The following LNX1 variants were observed in gnomAD, a reference collection of about 807,000 sequenced individuals.
LNX1 encodes the protein ligand of numb-protein X 1.
LNX1 carries 54 observed loss-of-function variants against 68.4 expected under a neutral mutation model. That is an observed-to-expected ratio of 0.79 (90% confidence interval 0.63 to 0.99). LNX1 has a LOEUF of 0.99. Among genes scored for constraint, LNX1 ranks in the 50% least tolerant of loss-of-function variants. The probability of loss-of-function intolerance (pLI) is 0.00; values close to 1 mark genes in which losing one functional copy is unlikely to be tolerated. For synonymous variants in LNX1, 336 were observed against 350.0 expected, an observed-to-expected ratio of 0.96 and a Z score of 0.45; for missense variants, 906 against 926.4, an observed-to-expected ratio of 0.98 and a Z score of 0.29.
At chr4:53,644,125 G>A (rs1402566729) in intron 1 of LNX1, among the ~76,000 whole-genome samples, 5 of 152,162 alleles carry the variant, frequency 3.3e-5, no homozygotes, top group Non-Finnish European at 5.9e-5. Context: ...GGTCAGGAAC[G>A]GTGGCTCATG....
intron 1 of LNX1, 67 bp from the exon 2 acceptor site, chr4:53,574,155 A>G (rs1731343938): frequency 8.5e-7 from 1 of 1,179,152 alleles, no homozygotes; most frequent in African/African-American, 1.6e-5. Context: ...TATGGTAGAC[A>G]TGAGACAGGG....
chr4:53,512,036 T>A (rs1726382264), intron 2 of LNX1, among the ~76,000 whole-genome samples: 1 of 152,160 alleles, frequency 6.6e-6, no homozygotes, highest in South Asian at 2.1e-4. Context: ...AACTCTCACT[T>A]TGGGTTCATT....
intron 2 of LNX1, among the ~76,000 whole-genome samples, chr4:53,536,975 A>T (rs963734397): frequency 1.3e-5 from 2 of 152,240 alleles, no homozygotes; most frequent in Admixed American, 6.5e-5. Context: ...GTTAACAGTG[A>T]TGATTTCTAA....
chr4:53,622,404 A>C (rs1455071518), upstream of LNX1, among the ~76,000 whole-genome samples: 1 of 152,106 alleles, frequency 6.6e-6, no homozygotes, highest in African/African-American at 2.4e-5. Context: ...GTGAACAGTA[A>C]ACCTCTGTTG....
At chr4:53,609,590 A>T (rs1329615878) in intron 2 of LNX1, among the ~76,000 whole-genome samples, 1 of 146,332 alleles carries the variant, frequency 6.8e-6, no homozygotes, top group East Asian at 2.0e-4. Context: ...AGTATATATA[A>T]TTATATATTA....
rs576488317 is a variant in LNX1, at chr4:53,538,777, T to C, written c.381-30550A>G. On this transcript the variant is annotated intron_variant, in intron 2 of 10. Coordinates refer to ENST00000263925, the MANE Select transcript of LNX1 (RefSeq NM_001126328.3). ...AAATGCAGCAGCCATTAGTGTCCAG[T>C]CTCATTATTTTCAAGCCAGGAAAGG... 2.0e-5 allele frequency among the ~76,000 whole-genome samples: 3 copies of C among 152,234 alleles called. No homozygotes were observed. In the East Asian group the frequency reaches 5.8e-4, roughly 29 times the overall value.
intron 1 of LNX1, among the ~76,000 whole-genome samples, chr4:53,648,589 C>T (rs1734977066): frequency 6.6e-6 from 1 of 152,028 alleles, no homozygotes; most frequent in African/African-American, 2.4e-5. Context: ...TCCTTTGGTG[C>T]CCAGACATTT....
intron 2 of LNX1, among the ~76,000 whole-genome samples, chr4:53,606,467 CAAACAAACAAA>C (rs1409678956): frequency 1.8e-5 from 2 of 108,754 alleles, no homozygotes; most frequent in Non-Finnish European, 3.8e-5. Flanking sequence ...AAAAAACAAA[CAAACAAACAAA>C]AAACAAACAA....
chr4:53,496,267 G>T lies in LNX1; in HGVS notation c.1106C>A (p.Ala369Asp), dbSNP rs140440998. 6.5e-4 allele frequency: 1,052 copies of T among 1,613,924 alleles called. 1 individual carries two copies. Among genetic ancestry groups the T allele is most frequent in the Non-Finnish European group, 8.5e-4 (1,002 of 1,180,022 alleles). ...QKFRSRNNGQ[A>D]PDAYRPRDDS... ...ATCTCGGGGTCTGTAGGCATCCGGG[G>T]CCTGTCCATTGTTCCTGCTGCGGAA... The change falls in exon 6 of 11, where the codon GCC becomes GAC. Residue 369 changes from alanine (A) to aspartate (D), a missense_variant. Coordinates refer to ENST00000263925, the MANE Select transcript of LNX1 (RefSeq NM_001126328.3).
chr4:53,534,074 C>A (rs1442497516), intron 2 of LNX1, among the ~76,000 whole-genome samples: 2 of 152,282 alleles, frequency 1.3e-5, no homozygotes, highest in African/African-American at 4.8e-5. Context: ...CCAAGTAAGA[C>A]TTGTGGAAGA....
intron 1 of LNX1, among the ~76,000 whole-genome samples, chr4:53,641,816 A>G (rs1734691086): frequency 6.6e-6 from 1 of 152,214 alleles, no homozygotes; most frequent in Non-Finnish European, 1.5e-5. Context: ...TTCACTTGGT[A>G]TGATAATTTC....
At chr4:53,583,831 G>C (rs1441648548) in intron 1 of LNX1, among the ~76,000 whole-genome samples, 1 of 152,088 alleles carries the variant, frequency 6.6e-6, no homozygotes, top group Admixed American at 6.6e-5. Flanking sequence ...CCTTTCCCCT[G>C]GGGTGCCATA....
At chr4:53,598,235 A>AT (rs34653341) in intron 2 of LNX1, among the ~76,000 whole-genome samples, 18,908 of 144,804 alleles carry the variant, frequency 0.13, 1,233 homozygotes, top group Non-Finnish European at 0.16. Flanking sequence ...ACTGACTGTG[A>AT]TTTTTTTTTT....
At chr4:53,621,597 CAT>C (rs1221408187), upstream of LNX1, among the ~76,000 whole-genome samples, 1 of 152,156 alleles carries the variant, frequency 6.6e-6, no homozygotes, top group Non-Finnish European at 1.5e-5. Context: ...CTGTCGCACT[CAT>C]ATAACTCCAG....
chr4:53,574,731 AC>A (rs1297281447), intron 1 of LNX1, among the ~76,000 whole-genome samples: 1 of 152,220 alleles, frequency 6.6e-6, no homozygotes, highest in African/African-American at 2.4e-5. Flanking sequence ...CTCTGTTTTC[AC>A]ATCTGTAAAA....
intron 2 of LNX1, among the ~76,000 whole-genome samples, chr4:53,601,251 T>C (rs974374346): frequency 2.6e-5 from 4 of 152,140 alleles, no homozygotes; most frequent in Non-Finnish European, 4.4e-5. Context: ...GTTTGTGATG[T>C]CTTAATTTGA....
intron 2 of LNX1, among the ~76,000 whole-genome samples, chr4:53,603,144 C>T (rs1733087591): frequency 6.6e-6 from 1 of 152,198 alleles, no homozygotes; most frequent in South Asian, 2.1e-4. Context: ...CACAGTGTCA[C>T]TGTATTAAGG....
At chr4:53,494,899 C>A (rs371441278) in intron 6 of LNX1, among the ~76,000 whole-genome samples, 2 of 152,192 alleles carry the variant, frequency 1.3e-5, no homozygotes, top group Non-Finnish European at 2.9e-5. Flanking sequence ...AAAAGCCAGT[C>A]CCCCAAGTCC....
intron 6 of LNX1, among the ~76,000 whole-genome samples, chr4:53,488,382 C>T (rs1724462975): frequency 6.6e-6 from 1 of 152,340 alleles, no homozygotes; most frequent in Middle Eastern, 3.4e-3. Flanking sequence ...TTAGCTCTTT[C>T]CCTTTCCAGG....
Sources: gnomAD v4.1 joint callset for allele counts (sites outside exome capture counted in the v4.1 genomes callset) on GRCh38, gnomAD v4.1.1 for gene constraint, MANE v1.5 for transcripts, NCBI Gene and HGNC (gene_info 2026-07-23, HGNC 2026-07-21) for gene names.